The following ANKRD66 variants were observed in gnomAD, a reference collection of about 807,000 sequenced individuals.
The protein encoded by ANKRD66 is ankyrin repeat domain-containing protein 66.
ANKRD66 carries 10 observed loss-of-function variants against 10.9 expected under a neutral mutation model. That is an observed-to-expected ratio of 0.91 (90% CI 0.56 to 1.55). The LOEUF (loss-of-function observed/expected upper bound fraction) is 1.55, where lower values mean the gene tolerates loss of function less well. Among genes scored for constraint, ANKRD66 ranks in the 40% most tolerant of loss-of-function variants. The pLI, the probability that ANKRD66 is intolerant of heterozygous loss-of-function variation, is 0.00. For synonymous variants in ANKRD66, 85 were observed against 88.4 expected, an observed-to-expected ratio of 0.96 and a Z score of 0.22; for missense variants, 252 against 242.9, an observed-to-expected ratio of 1.04 and a Z score of -0.25.
At position 46,746,953 on chromosome 6, in the gene ANKRD66, C is replaced by A; in HGVS notation, c.-134C>A. ...ACAACACTCCGGATGGTTAGGACTG[C>A]CTGTCAGCACAGAGCTCCTCAAATT... On this transcript the variant is annotated 5_prime_UTR_variant, in exon 1 of 5. Coordinates refer to ENST00000565422, the MANE Select transcript of ANKRD66 (RefSeq NM_001162435.3). 1 of 1,535,504 alleles carries A rather than the reference C, an allele frequency of 6.5e-7. No homozygotes were observed. Among genetic ancestry groups the A allele is most frequent in the Non-Finnish European group, 8.7e-7 (1 of 1,146,838 alleles).
At chr6:46,750,067 C>G in intron 2 of ANKRD66, 88 bp downstream of exon 2, 1 of 694,182 alleles carries the variant, frequency 1.4e-6, no homozygotes, top group East Asian at 2.9e-5. Flanking sequence ...GTGAAGTTGA[C>G]TCCAGCTCCT....
chr6:46,749,561 C>G lies in ANKRD66; in HGVS notation c.-96-335C>G, dbSNP rs76003648. Among the ~76,000 whole-genome samples, 40 of 93,842 alleles carry G rather than the reference C, an allele frequency of 4.3e-4. 2 individuals are homozygous for G. The highest frequency in any genetic ancestry group is 1.1e-3 in the Admixed American group (8 of 7,328). The allele number at this position is 93,842 out of a possible 152,430, so 61.6% of individuals were successfully genotyped here. On this transcript the variant is annotated intron_variant, in intron 1 of 4. Coordinates refer to ENST00000565422, the MANE Select transcript of ANKRD66 (RefSeq NM_001162435.3). ...TTTTTCTCTTTTATTCCCCCCCCCC[C>G]CCCCCCGCTTTTTTCTTTTCCTCTT...
Position 46,759,195 on chromosome 6 carries a change from A to C in ANKRD66, c.*274A>C. The C allele has an allele frequency of 1.1e-5, 3 of 267,162 alleles. No homozygotes were observed. The highest frequency in any genetic ancestry group is 7.0e-6 in the Non-Finnish European group (1 of 143,384). 16.5% of individuals were successfully genotyped at this position (267,162 alleles called of 1,614,324 possible). On this transcript the variant is annotated 3_prime_UTR_variant, in exon 5 of 5. Transcript: ENST00000565422. ...TTTTGACCCCTGCCCCCCAACAATA[A>C]TAGAATTTCAGGAGACAAGGAAACT...
At chr6:46,751,041 A>G (rs193142190) in intron 2 of ANKRD66, among the ~76,000 whole-genome samples, 3 of 152,328 alleles carry the variant, frequency 2.0e-5, no homozygotes, top group Admixed American at 2.0e-4. Flanking sequence ...TCATTAAGTC[A>G]TGTAATCAAA....
chr6:46,755,993 G>A, intron 4 of ANKRD66: 1 of 386,326 alleles, frequency 2.6e-6, no homozygotes, highest in East Asian at 7.8e-5. Flanking sequence ...TTACATTGTT[G>A]TGAAACAGAG....
At position 46,758,901 on chromosome 6, in the gene ANKRD66, ACCAAGGGG is replaced by A; in HGVS notation, c.572_579del (p.Thr191LysfsTer49). 6.4e-7 allele frequency: 1 copy of A among 1,550,804 alleles called. No homozygotes were observed. The highest frequency in any genetic ancestry group is 8.7e-7 in the Non-Finnish European group (1 of 1,146,598). ...TCGAGGCCCCACCAGGCCCAGCAAT[ACCAAGGGG>A]AGGAGAGTATGAGAACTCAACCTTA... On this transcript the variant is annotated frameshift_variant, in exon 5 of 5. Transcript: ENST00000565422. LOFTEE classifies it high-confidence loss of function.
Position 46,758,757 on chromosome 6 carries a change from G to C in ANKRD66, c.427G>C (p.Ala143Pro), listed in dbSNP as rs1436797306. Residue 143 changes from alanine (A) to proline (P), a missense_variant, in exon 5 of 5, where the codon GCC becomes CCC. Coordinates refer to ENST00000565422, the MANE Select transcript of ANKRD66 (RefSeq NM_001162435.3). ...CGAGTGCCAGGACCACCGTTGCGCT[G>C]CCCAGCAGAAGGGGCTGCCTCTGGA... Reference protein sequence around the residue: ...EPECQDHRCAAQQKGLPLDER... With the variant: ...EPECQDHRCAPQQKGLPLDER... 2 of 1,550,690 alleles carry C rather than the reference G, an allele frequency of 1.3e-6. No individual in the cohort carries two copies. Among genetic ancestry groups the C allele is most frequent in the Admixed American group, 3.9e-5 (2 of 50,986 alleles).
chr6:46,748,897 C>T lies in ANKRD66; in HGVS notation c.-96-999C>T, dbSNP rs148058428. 9.8e-5 allele frequency among the ~76,000 whole-genome samples: 15 copies of T among 152,310 alleles called. No individual in the cohort carries two copies. In the South Asian group the frequency reaches 1.9e-3, roughly 19 times the overall value. ...CTAGTACCGTTGTGAGAACTTGTTA[C>T]AATGCAGAATCTCAGGCCAGGTTCC... On this transcript the variant is annotated intron_variant, in intron 1 of 4. Coordinates refer to ENST00000565422, the MANE Select transcript of ANKRD66 (RefSeq NM_001162435.3).
intron 1 of ANKRD66, among the ~76,000 whole-genome samples, chr6:46,748,519 A>G (rs527728658): frequency 4.4e-4 from 67 of 152,298 alleles, no homozygotes; most frequent in African/African-American, 1.3e-3. Context: ...TTTGTTTACT[A>G]TTCTATCATT....
intron 1 of ANKRD66, among the ~76,000 whole-genome samples, chr6:46,747,865 A>G (rs1766182510): frequency 6.6e-6 from 1 of 152,228 alleles, no homozygotes; most frequent in Non-Finnish European, 1.5e-5. Context: ...ACCTGCAGTA[A>G]TCAGGACTGT....
chr6:46,752,081 C>T lies in ANKRD66; in HGVS notation c.133C>T (p.Arg45Trp), dbSNP rs181218771. 1.1e-3 allele frequency: 1,690 copies of T among 1,511,290 alleles called. No homozygotes were observed. Among genetic ancestry groups the T allele is most frequent in the Admixed American group, 1.5e-3 (66 of 43,516 alleles). The allele number at this position is 1,511,290 out of a possible 1,614,324, so 93.6% of individuals were successfully genotyped here. ...PNYKDVDWND[R>W]TPLHWAAIKG... ...CTACAAAGATGTAGACTGGAATGAC[C>T]GGACCCCACTTCACTGGGCTGCAAT... Residue 45 changes from arginine to tryptophan, a missense_variant, in exon 3 of 5, where the codon CGG (arginine) becomes TGG (tryptophan). Physicochemically the swap from Arg to Trp is moderately radical, Grantham distance 101 (BLOSUM62 -3). Transcript: ENST00000565422.
At chr6:46,749,070 G>A (rs1268967754) in intron 1 of ANKRD66, among the ~76,000 whole-genome samples, 1 of 152,202 alleles carries the variant, frequency 6.6e-6, no homozygotes. Context: ...GAACCTCCAT[G>A]GGATAGCACA....
Position 46,752,130 on chromosome 6 carries a change from G to A in ANKRD66, c.163+19G>A. ...ATCAAAGGTGAGTGGGCAATGCTTA[G>A]GTAGATCTGCCCTTTTGAGTCCACC... On this transcript the variant is annotated intron_variant, in intron 3 of 4. Coordinates refer to ENST00000565422, the MANE Select transcript of ANKRD66 (RefSeq NM_001162435.3). 1.4e-6 allele frequency: 2 copies of A among 1,445,614 alleles called. 1 individual carries two copies. The highest frequency in any genetic ancestry group is 3.0e-5 in the South Asian group (2 of 66,736). The allele number at this position is 1,445,614 out of a possible 1,614,324, so 89.5% of individuals were successfully genotyped here. A position where few individuals can be genotyped will look rare whatever the true frequency, so the allele number is the denominator to read the frequency against.
At position 46,758,908 on chromosome 6, in the gene ANKRD66, G is replaced by A. The variant is rs1364701374; in HGVS notation, c.578G>A (p.Gly193Glu). The A allele has an allele frequency of 1.3e-6, 2 of 1,549,790 alleles. No individual in the cohort carries two copies. Among genetic ancestry groups the A allele is most frequent in the Non-Finnish European group, 1.7e-6 (2 of 1,146,218 alleles). The change falls in exon 5 of 5, where the codon GGG becomes GAG. Residue 193 changes from glycine (G) to glutamate (E), a missense_variant. Physicochemically the swap from Gly to Glu is moderately conservative, Grantham distance 98 (BLOSUM62 -2). Transcript: ENST00000565422. ...RGPTRPSNTK[G>E]RRV ...CCCACCAGGCCCAGCAATACCAAGG[G>A]GAGGAGAGTATGAGAACTCAACCTT... is the stretch of plus-strand genomic sequence containing the variant.
intron 1 of ANKRD66, among the ~76,000 whole-genome samples, chr6:46,747,461 C>T (rs1766167876): frequency 1.3e-5 from 2 of 152,210 alleles, no homozygotes; most frequent in African/African-American, 4.8e-5. Context: ...CTCCCCACCC[C>T]AACCTCCATC....
chr6:46,753,863 C>A lies in ANKRD66; in HGVS notation c.305C>A (p.Ala102Asp). The A allele has an allele frequency of 6.4e-7, 1 of 1,551,676 alleles. No homozygotes were observed. Among genetic ancestry groups the A allele is most frequent in the Non-Finnish European group, 8.7e-7 (1 of 1,146,986 alleles). Reference protein sequence around the residue: ...ILKTLHALHAAIDAPDFFGDT... With the variant: ...ILKTLHALHADIDAPDFFGDT... ...AAAACTCTCCATGCATTGCACGCTGCCATCGACGCCCCTGACTTCTTTGGA... is the reference window on the plus strand; with the variant it reads ...AAAACTCTCCATGCATTGCACGCTGACATCGACGCCCCTGACTTCTTTGGA... Residue 102 changes from alanine (A) to aspartate (D), a missense_variant, in exon 4 of 5, where the codon GCC becomes GAC. Physicochemically the swap from Ala to Asp is moderately radical, Grantham distance 126. Transcript: ENST00000565422.
At chr6:46,754,435 T>C (rs1247843791) in intron 4 of ANKRD66, among the ~76,000 whole-genome samples, 1 of 152,216 alleles carries the variant, frequency 6.6e-6, no homozygotes, top group African/African-American at 2.4e-5. Context: ...CCAAAGAACT[T>C]AACTAGCACC....
At chr6:46,747,764 T>C (rs996286620) in intron 1 of ANKRD66, among the ~76,000 whole-genome samples, 4 of 152,234 alleles carry the variant, frequency 2.6e-5, no homozygotes, top group African/African-American at 4.8e-5. Context: ...AACATACATG[T>C]ACAAATGTTT....
In ANKRD66 at chr6:46,753,940, T is replaced by A. The variant is rs1397358380; in HGVS notation, c.382T>A (p.Phe128Ile). Reference sequence around the variant, plus strand: ...CTATGGACAGAAAGCCTGTGTGGCATTTCTGGAAAAGTAAGTTTATTTTTT... The same window carrying A: ...CTATGGACAGAAAGCCTGTGTGGCAATTCTGGAAAAGTAAGTTTATTTTTT... ...QIYGQKACVA[F>I]LEKAEPECQD... Residue 128 changes from phenylalanine (F) to isoleucine (I), a missense_variant, in exon 4 of 5, where the codon TTT becomes ATT. Phe to Ile is a conservative substitution (Grantham distance 21). Coordinates refer to ENST00000565422, the MANE Select transcript of ANKRD66 (RefSeq NM_001162435.3). 6.4e-7 allele frequency: 1 copy of A among 1,550,916 alleles called. No individual in the cohort carries two copies.
Sources: allele counts gnomAD v4.1 joint callset (sites outside exome capture counted in the v4.1 genomes callset), GRCh38; gene constraint gnomAD v4.1.1; transcripts MANE v1.5; gene names NCBI Gene and HGNC (gene_info 2026-07-23, HGNC 2026-07-21).